ZNF138: variants seen among roughly 807,000 people sequenced by gnomAD.
The protein encoded by ZNF138 is zinc finger protein 138 (clone pHZ-32).
In ZNF138, 33 loss-of-function variants were observed where a neutral mutation model predicts 33.0. That is an observed-to-expected ratio of 1.00 (90% CI 0.76 to 1.34). The LOEUF is 1.34. Among genes scored for constraint, ZNF138 ranks in the 40% most tolerant of loss-of-function variants. The pLI is 0.00. For missense variants in ZNF138, 360 were observed against 370.8 expected, an observed-to-expected ratio of 0.97 and a Z score of 0.24; for synonymous variants, 139 against 120.4, an observed-to-expected ratio of 1.15 and a Z score of -1.01.
In ZNF138 at chr7:64,832,037, C is replaced by T; in HGVS notation, c.795C>T (p.His265=). Residue 265 remains histidine, a synonymous_variant, in exon 4 of 4, where the codon CAC becomes CAT. Transcript: ENST00000307355. ...HCGKAFKQSS[H]LTRHKIIHTE... is the part of the protein sequence containing the mutation. ...GCAAAGCCTTTAAACAGTCCTCACA[C>T]CTTACTAGACATAAGATAATTCATA... is the stretch of plus-strand genomic sequence containing the variant. The T allele has an allele frequency of 6.2e-7, 1 of 1,613,870 alleles. No individual in the cohort carries two copies. Among genetic ancestry groups the T allele is most frequent in the South Asian group, 1.1e-5 (1 of 91,060 alleles).
intron 1 of ZNF138, among the ~76,000 whole-genome samples, chr7:64,812,291 T>C (rs1163120693): frequency 7.0e-6 from 1 of 142,830 alleles, no homozygotes; most frequent in Non-Finnish European, 1.5e-5. Context: ...TTTGAGTACC[T>C]GGGACTACAG....
At chr7:64,849,418 T>C in the ZNF138 span, among the ~76,000 whole-genome samples, 1 of 152,216 alleles carries the variant, frequency 6.6e-6, no homozygotes, top group South Asian at 2.1e-4. Context: ...ACTCGTTGGC[T>C]ACTTGCCAGG....
the ZNF138 span, among the ~76,000 whole-genome samples, chr7:64,841,016 A>G: frequency 6.6e-6 from 1 of 152,146 alleles, no homozygotes; most frequent in East Asian, 1.9e-4. Context: ...TTTTAAATTT[A>G]TTACTGTAAA....
the ZNF138 span, among the ~76,000 whole-genome samples, chr7:64,847,315 C>CATATATAT: frequency 0.016 from 1,637 of 104,014 alleles, 30 homozygotes; most frequent in Middle Eastern, 0.037. Flanking sequence ...TCTTCTAATA[C>CATATATAT]ATATATATAT....
At chr7:64,844,527 C>G in the ZNF138 span, among the ~76,000 whole-genome samples, 1 of 151,922 alleles carries the variant, frequency 6.6e-6, no homozygotes, top group Non-Finnish European at 1.5e-5. Flanking sequence ...TCTACAACCT[C>G]TCTTCTGCAT....
At chr7:64,826,988 A>G (rs1789670641) in intron 3 of ZNF138, among the ~76,000 whole-genome samples, 1 of 151,950 alleles carries the variant, frequency 6.6e-6, no homozygotes, top group African/African-American at 2.4e-5. Context: ...TAAGGGTTTT[A>G]TGCACCATCA....
At chr7:64,795,967 G>C (rs181750668) in intron 1 of ZNF138, among the ~76,000 whole-genome samples, 348 of 152,278 alleles carry the variant, frequency 2.3e-3, no homozygotes, top group African/African-American at 7.9e-3. Flanking sequence ...CCTCTCAAGG[G>C]AGCAGGTGAA....
rs1790105293 is a variant in ZNF138, at chr7:64,831,768, C to G, written c.526C>G (p.Leu176Val). The G allele has an allele frequency of 6.2e-7, 1 of 1,613,710 alleles. No homozygotes were observed. The highest frequency in any genetic ancestry group is 8.5e-7 in the Non-Finnish European group (1 of 1,179,898). The change falls in exon 4 of 4, where the codon CTT (leucine) becomes GTT (valine). Residue 176 changes from leucine (L) to valine (V), a missense_variant. Leu to Val is a conservative substitution (Grantham distance 32). Transcript: ENST00000307355. ...CAGATGTAAAGAATGTGACAAATCA[C>G]TTTGCATGCTTTCACGCCTAACTCA... ...HFRCKECDKS[L>V]CMLSRLTQHK...
At chr7:64,822,380 T>A (rs1364145753) in intron 3 of ZNF138, among the ~76,000 whole-genome samples, 3 of 151,722 alleles carry the variant, frequency 2.0e-5, no homozygotes, top group Non-Finnish European at 4.4e-5. Flanking sequence ...AATGCCAAGA[T>A]CAATGTCATG....
chr7:64,848,346 A>T, the ZNF138 span, among the ~76,000 whole-genome samples: 5 of 151,756 alleles, frequency 3.3e-5, no homozygotes, highest in African/African-American at 1.2e-4. Context: ...ATTTTTTCTC[A>T]TTCTTTGTTT....
the ZNF138 span, among the ~76,000 whole-genome samples, chr7:64,840,022 C>A: frequency 6.6e-6 from 1 of 152,094 alleles, no homozygotes; most frequent in East Asian, 1.9e-4. Flanking sequence ...GAGTTTCGCG[C>A]TTCTGAGTGT....
chr7:64,859,481 A>G, the ZNF138 span, among the ~76,000 whole-genome samples: 1 of 152,346 alleles, frequency 6.6e-6, no homozygotes, highest in South Asian at 2.1e-4. Flanking sequence ...AAGTTGGCTT[A>G]TTAAGGGACT....
At chr7:64,841,522 A>G in the ZNF138 span, among the ~76,000 whole-genome samples, 47,475 of 152,156 alleles carry the variant, frequency 0.31, 7,959 homozygotes, top group Non-Finnish European at 0.37. Context: ...GAAAATATCA[A>G]TAGTGAAGAA....
At chr7:64,825,796 C>G (rs943251580) in intron 3 of ZNF138, among the ~76,000 whole-genome samples, 2 of 152,074 alleles carry the variant, frequency 1.3e-5, no homozygotes, top group African/African-American at 4.8e-5. Context: ...CTTGGCCTCC[C>G]AAAATGTTGG....
rs111399098 is a variant in ZNF138, at chr7:64,832,242, G to C, written c.*40G>C. ...TAAGAAAATTTACACTAGAGAGAAA[G>C]CCTACAAATGTGAAGAATGTGGCAA... On this transcript the variant is annotated 3_prime_UTR_variant, in exon 4 of 4. Coordinates refer to ENST00000307355, the MANE Select transcript of ZNF138 (RefSeq NM_001271639.2). 2 of 1,600,322 alleles carry C rather than the reference G, an allele frequency of 1.2e-6. No individual in the cohort carries two copies. The highest frequency in any genetic ancestry group is 1.7e-6 in the Non-Finnish European group (2 of 1,175,690).
chr7:64,839,908 C>T, the ZNF138 span, among the ~76,000 whole-genome samples: 2 of 151,638 alleles, frequency 1.3e-5, no homozygotes, highest in African/African-American at 4.8e-5. Context: ...GTGAGGTTCA[C>T]TGGTCCGCAG....
chr7:64,832,968 AT>A lies in ZNF138; in HGVS notation c.*767del, dbSNP rs1228969450. ...TTTTAACTAGTTCTCGAACTTTACT[AT>A]GCATAAGAAAATTCAAACTGGAGAG... is the stretch of plus-strand genomic sequence containing the variant. On this transcript the variant is annotated 3_prime_UTR_variant, in exon 4 of 4. Coordinates refer to ENST00000307355, the MANE Select transcript of ZNF138 (RefSeq NM_001271639.2). 2.5e-6 allele frequency: 1 copy of A among 406,736 alleles called. No individual in the cohort carries two copies. Among genetic ancestry groups the A allele is most frequent in the Non-Finnish European group, 4.9e-6 (1 of 203,370 alleles). The allele number at this position is 406,736 out of a possible 1,614,324, so 25.2% of individuals were successfully genotyped here.
intron 1 of ZNF138, among the ~76,000 whole-genome samples, chr7:64,811,259 T>C (rs1788156625): frequency 6.6e-6 from 1 of 152,254 alleles, no homozygotes; most frequent in African/African-American, 2.4e-5. Context: ...TAATGTGTTA[T>C]TCCCAGCAAA....
At chr7:64,794,592 A>G in intron 1 of ZNF138, 21 bp downstream of exon 1, 2 of 1,613,430 alleles carry the variant, frequency 1.2e-6, no homozygotes, top group Non-Finnish European at 1.7e-6. Flanking sequence ...TGGGTCCGAC[A>G]TCCCGAGAGA....
Sources: allele counts gnomAD v4.1 joint callset (sites outside exome capture counted in the v4.1 genomes callset), GRCh38; gene constraint gnomAD v4.1.1; transcripts MANE v1.5; gene names NCBI Gene and HGNC (gene_info 2026-07-23, HGNC 2026-07-21).